MAST3: variants seen among roughly 807,000 people sequenced by gnomAD.
The protein encoded by MAST3 is microtubule associated serine/threonine kinase 3.
In MAST3, 43 loss-of-function variants were observed where a neutral mutation model predicts 127.0. The observed-to-expected ratio is 0.34, with a 90% CI of 0.27 to 0.44. The LOEUF is 0.44. MAST3 is among the 20% of genes least tolerant of loss of function. The pLI is 1.00. For synonymous variants in MAST3, 785 were observed against 809.2 expected, an observed-to-expected ratio of 0.97 and a Z score of 0.51; for missense variants, 1,390 against 1,919.1, an observed-to-expected ratio of 0.72 and a Z score of 5.15.
rs754182060 is a variant in MAST3, at chr19:18,130,497, C to A, written c.1227C>A (p.Ala409=). Reference sequence around the variant, plus strand: ...AAGCCTGGCCCTCTGTCCCCAGGGCCGTCTACCTGGTGCGGCACCGTGACA... The same window carrying A: ...AAGCCTGGCCCTCTGTCCCCAGGGCAGTCTACCTGGTGCGGCACCGTGACA... ...IKLISNGAYG[A]VYLVRHRDTR... is the part of the protein sequence containing the mutation. The change falls in exon 14 of 28, where the codon GCC becomes GCA. Residue 409 remains alanine, a synonymous_variant. Transcript: ENST00000687212. The A allele has an allele frequency of 1.3e-6, 2 of 1,595,962 alleles. No homozygotes were observed. The highest frequency in any genetic ancestry group is 1.3e-5 in the African/African-American group (1 of 74,616).
chr19:18,120,158 C>T (rs930377828), intron 3 of MAST3, among the ~76,000 whole-genome samples: 4 of 152,080 alleles, frequency 2.6e-5, no homozygotes, highest in South Asian at 2.1e-4. Context: ...AAGAGGAAAA[C>T]GTGGGCAAAA....
chr19:18,098,103 C>T (rs2037155605), intron 1 of MAST3, among the ~76,000 whole-genome samples: 1 of 152,166 alleles, frequency 6.6e-6, no homozygotes, highest in South Asian at 2.1e-4. Context: ...CCCCTCCCCA[C>T]CAGCTGTTCT....
In MAST3 at chr19:18,110,242, C is replaced by A; in HGVS notation, c.72-410C>A. The A allele has an allele frequency of 9.1e-6, 9 of 985,538 alleles. No individual in the cohort carries two copies. Among genetic ancestry groups the A allele is most frequent in the Non-Finnish European group, 1.1e-5 (9 of 830,006 alleles). 61.0% of individuals were successfully genotyped at this position (985,538 alleles called of 1,614,324 possible). A position where few individuals can be genotyped will look rare whatever the true frequency, so the allele number is the denominator to read the frequency against. On this transcript the variant is annotated intron_variant, in intron 2 of 27. Transcript: ENST00000687212. The surrounding 1 kb of genome is among the most constrained non-coding windows in gnomAD (Gnocchi z 4.3). Reference sequence around the variant, plus strand: ...CCGTGTGTCCGTCCGTCGGTCCGCTCGCGCCACGATCAGGGCTTCCGGGGG... The same window carrying A: ...CCGTGTGTCCGTCCGTCGGTCCGCTAGCGCCACGATCAGGGCTTCCGGGGG...
At chr19:18,101,882 CTTTTTTTTTTTT>C (rs760652186) in intron 1 of MAST3, among the ~76,000 whole-genome samples, 2 of 69,346 alleles carry the variant, frequency 2.9e-5, no homozygotes, top group Non-Finnish European at 5.1e-5. Flanking sequence ...GCCTCAAACT[CTTTTTTTTTTTT>C]TTTTTTTTTT....
chr19:18,127,026 C>A (rs952839041), intron 11 of MAST3, among the ~76,000 whole-genome samples: 41 of 151,796 alleles, frequency 2.7e-4, no homozygotes, highest in African/African-American at 9.4e-4. Context: ...ATGATCCGCC[C>A]GCCTCTGCCT....
At chr19:18,101,882 CTTTTTTTT>C (rs760652186) in intron 1 of MAST3, among the ~76,000 whole-genome samples, 1 of 69,344 alleles carries the variant, frequency 1.4e-5, no homozygotes, top group Non-Finnish European at 2.6e-5. Flanking sequence ...GCCTCAAACT[CTTTTTTTT>C]TTTTTTTTTT....
intron 20 of MAST3, among the ~76,000 whole-genome samples, chr19:18,140,653 G>C (rs1187454478): frequency 1.3e-5 from 2 of 152,162 alleles, no homozygotes; most frequent in Non-Finnish European, 2.9e-5. Flanking sequence ...CCCTACTGCA[G>C]TGTGGACCAG....
At position 18,123,335 on chromosome 19, in the gene MAST3, G is replaced by A; in HGVS notation, c.518G>A (p.Gly173Asp). The A allele has an allele frequency of 3.1e-6, 5 of 1,613,316 alleles. No individual in the cohort carries two copies. The highest frequency in any genetic ancestry group is 4.2e-6 in the Non-Finnish European group (5 of 1,179,848). The change falls in exon 7 of 28, where the codon GGC (glycine) becomes GAC (aspartate). Residue 173 changes from glycine to aspartate, a missense_variant. This residue lies in a region of MAST3 where 277 missense variants were observed against 384.8 expected (regional missense o/e 0.72). Coordinates refer to ENST00000687212, the MANE Select transcript of MAST3 (RefSeq NM_001393504.1). Reference sequence around the variant, plus strand: ...GAGAATGTGCTTGATGAGGAAGGCGGCCGGTCACCCCGCCTCCGACCCCGC... The same window carrying A: ...GAGAATGTGCTTGATGAGGAAGGCGACCGGTCACCCCGCCTCCGACCCCGC... ...SSENVLDEEGGRSPRLRPRSR... is the reference protein window; with the variant it reads ...SSENVLDEEGDRSPRLRPRSR...
At chr19:18,116,322 C>T (rs1481161818) in intron 3 of MAST3, among the ~76,000 whole-genome samples, 2 of 149,854 alleles carry the variant, frequency 1.3e-5, no homozygotes, top group African/African-American at 4.9e-5. Flanking sequence ...GACAGAGTTT[C>T]GCTCTTGTTG....
At chr19:18,122,892 C>T in intron 6 of MAST3, 141 bp downstream of exon 6, 1 of 976,412 alleles carries the variant, frequency 1.0e-6, no homozygotes, top group Admixed American at 2.1e-5. Context: ...ACGCCCCATT[C>T]TGGGAAATGC....
intron 20 of MAST3, among the ~76,000 whole-genome samples, chr19:18,140,652 A>C (rs2042373808): frequency 6.6e-6 from 1 of 152,124 alleles, no homozygotes; most frequent in Non-Finnish European, 1.5e-5. Context: ...TCCCTACTGC[A>C]GTGTGGACCA....
Position 18,124,279 on chromosome 19 carries a change from G to A in MAST3, c.858G>A (p.Ser286=), listed in dbSNP as rs553946881. ...ERLLQDAHER[S]DSEEVSFIVQ... ...ACCTCCCCCAGGCCCATGAGCGTTC[G>A]GACAGTGAGGAGGTCAGCTTCATCG... The change falls in exon 10 of 28, where the codon TCG becomes TCA. Residue 286 remains serine, a synonymous_variant. Coordinates refer to ENST00000687212, the MANE Select transcript of MAST3 (RefSeq NM_001393504.1). 3.5e-5 allele frequency: 57 copies of A among 1,607,548 alleles called. No individual in the cohort carries two copies. Among genetic ancestry groups the A allele is most frequent in the Non-Finnish European group, 4.6e-5 (54 of 1,176,872 alleles).
chr19:18,130,894 A>T (rs144584908), intron 14 of MAST3, among the ~76,000 whole-genome samples, 192 bp downstream of exon 14: 175 of 152,282 alleles, frequency 1.1e-3, no homozygotes, highest in African/African-American at 3.9e-3. Context: ...AGGAGCCCAG[A>T]CAGGAGTGTG....
At chr19:18,130,008 G>A (rs1243468602) in intron 13 of MAST3, among the ~76,000 whole-genome samples, 1 of 151,902 alleles carries the variant, frequency 6.6e-6, no homozygotes, top group East Asian at 1.9e-4. Flanking sequence ...CCAGCACTTT[G>A]GGAGCCCGAA....
At chr19:18,124,904 G>A (rs549961612) in intron 11 of MAST3, 130 bp downstream of exon 11, 28 of 1,190,098 alleles carry the variant, frequency 2.4e-5, no homozygotes, top group Non-Finnish European at 2.9e-5. Flanking sequence ...CCAGGAGTTC[G>A]AGACCAGCCT....
chr19:18,136,626 C>T (rs2041918766), intron 18 of MAST3, among the ~76,000 whole-genome samples: 1 of 151,946 alleles, frequency 6.6e-6, no homozygotes, highest in Admixed American at 6.6e-5. Flanking sequence ...GAAATTTCAC[C>T]ATGTTGCCCA....
chr19:18,110,205 C>A lies in MAST3; in HGVS notation c.72-447C>A. ...CTAGTCTGCCGCACCAGCCAGGCGT[C>A]TGTCCCTGCGTCCGTGTGTCCGTCC... On this transcript the variant is annotated intron_variant, in intron 2 of 27. Transcript: ENST00000687212. This position sits in a 1 kb window ranked among gnomAD's most constrained non-coding sequence, Gnocchi z 4.3. 1.0e-6 allele frequency: 1 copy of A among 985,508 alleles called. No individual in the cohort carries two copies. Among genetic ancestry groups the A allele is most frequent in the Non-Finnish European group, 1.2e-6 (1 of 829,972 alleles). 61.0% of individuals were successfully genotyped at this position (985,508 alleles called of 1,614,324 possible).
intron 11 of MAST3, among the ~76,000 whole-genome samples, chr19:18,126,320 G>T (rs2040612388): frequency 6.6e-6 from 1 of 152,220 alleles, no homozygotes; most frequent in Admixed American, 6.6e-5. Context: ...CAGTAGCCAG[G>T]GGGAGGCTCT....
At chr19:18,148,591 C>G (rs1424853167) in intron 27 of MAST3, among the ~76,000 whole-genome samples, 1 of 152,008 alleles carries the variant, frequency 6.6e-6, no homozygotes, top group African/African-American at 2.4e-5. Flanking sequence ...AGGAAACAAC[C>G]CTGAGCAGGA....
Sources: gnomAD v4.1 joint callset for allele counts (sites outside exome capture counted in the v4.1 genomes callset) on GRCh38, gnomAD v4.1.1 for gene constraint, gnomAD v4.1.1 regional missense constraint, Gnocchi (gnomAD v3.1) non-coding constraint, MANE v1.5 for transcripts, NCBI Gene and HGNC (gene_info 2026-07-23, HGNC 2026-07-21) for gene names.